The following TMEM232 variants were observed in gnomAD, a reference collection of about 807,000 sequenced individuals.
The protein encoded by TMEM232 is transmembrane protein 232.
TMEM232 carries 80 observed loss-of-function variants against 78.8 expected under a neutral mutation model. That is an observed-to-expected ratio of 1.01 (90% CI 0.85 to 1.22). The LOEUF (loss-of-function observed/expected upper bound fraction) is 1.22. Ranked by LOEUF, TMEM232 falls within the 50% of genes most tolerant of loss-of-function variation. TMEM232 has a pLI of 0.00. For missense variants in TMEM232, 881 were observed against 742.2 expected (o/e 1.19, Z -2.17); for synonymous variants, 297 against 254.3 (o/e 1.17, Z -1.60).
At chr5:110,583,723 T>C (rs1368218445) in intron 10 of TMEM232, among the ~76,000 whole-genome samples, 3 of 151,746 alleles carry the variant, frequency 2.0e-5, no homozygotes. Flanking sequence ...GGGATTATAT[T>C]TGCAGACATC....
chr5:110,395,738 C>G (rs889372046), intron 3 of TMEM232, among the ~76,000 whole-genome samples: 2 of 152,110 alleles, frequency 1.3e-5, no homozygotes, highest in African/African-American at 4.8e-5. Context: ...AAGTTGAAAT[C>G]AAGAATCCAT....
At chr5:110,451,526 A>G (rs902909054) in intron 12 of TMEM232, among the ~76,000 whole-genome samples, 1 of 152,130 alleles carries the variant, frequency 6.6e-6, no homozygotes, top group Non-Finnish European at 1.5e-5. Flanking sequence ...TTTACATTTA[A>G]TGCCTTAATC....
downstream of TMEM232, chr5:110,417,638 T>TA (rs1561465536): frequency 8.4e-6 from 1 of 118,548 alleles, no homozygotes; most frequent in Admixed American, 8.5e-5. Context: ...TTTTTTTTTT[T>TA]GTCCGGGGTA....
intron 12 of TMEM232, among the ~76,000 whole-genome samples, chr5:110,448,010 T>C (rs1331252641): frequency 6.6e-6 from 1 of 151,932 alleles, no homozygotes; most frequent in East Asian, 1.9e-4. Flanking sequence ...AGCTGAAAAA[T>C]GACTTGAATA....
chr5:110,552,502 A>G (rs1037474408), intron 11 of TMEM232, among the ~76,000 whole-genome samples: 1 of 152,160 alleles, frequency 6.6e-6, no homozygotes, highest in African/African-American at 2.4e-5. Flanking sequence ...CATACCTTAT[A>G]TAAAGACACA....
chr5:110,648,381 A>C (rs1787813879), intron 2 of TMEM232, among the ~76,000 whole-genome samples: 1 of 152,064 alleles, frequency 6.6e-6, no homozygotes, highest in Non-Finnish European at 1.5e-5. Flanking sequence ...ATACACACTG[A>C]CTTAGCAATA....
chr5:110,622,502 C>G (rs10037281), intron 7 of TMEM232, among the ~76,000 whole-genome samples: 4,435 of 152,158 alleles, frequency 0.029, 222 homozygotes, highest in African/African-American at 0.1. Flanking sequence ...TCATCCATGT[C>G]CCTACAAAGG....
chr5:110,732,285 C>A (rs533008442), intron 2 of TMEM232, among the ~76,000 whole-genome samples: 1 of 152,318 alleles, frequency 6.6e-6, no homozygotes, highest in South Asian at 2.1e-4. Context: ...GCCCTCCAAA[C>A]TATTCCAACT....
In TMEM232 at chr5:110,420,628, A is replaced by G. The variant is rs1756530411; in HGVS notation, c.1926T>C (p.His642=). The part of the protein sequence containing the change: ...EVMKKREEKL[H]KQTKPYELPY... ...GAAGTTCATAGGGCTTGGTTTGCTT[A>G]TGTAGTTTCTCTTCTCTTTTCTTCA... The change falls in exon 14 of 14, where the codon CAT becomes CAC. Residue 642 remains histidine (H), a synonymous_variant. Coordinates refer to ENST00000455884, the MANE Select transcript of TMEM232 (RefSeq NM_001039763.4). 2.6e-6 allele frequency: 4 copies of G among 1,518,722 alleles called. No individual in the cohort carries two copies. The East Asian group carries it at 1.0e-4, about 38-fold the overall frequency. The allele number at this position is 1,518,722 out of a possible 1,614,324, so 94.1% of individuals were successfully genotyped here.
chr5:110,606,244 T>C lies in TMEM232; in HGVS notation c.946A>G (p.Lys316Glu), dbSNP rs1465098258. 1.3e-6 allele frequency: 2 copies of C among 1,543,706 alleles called. No homozygotes were observed. Among genetic ancestry groups the C allele is most frequent in the Non-Finnish European group, 8.8e-7 (1 of 1,141,410 alleles). Residue 316 changes from lysine (K) to glutamate (E), a missense_variant, in exon 9 of 14, where the codon AAA (lysine) becomes GAA (glutamate). Physicochemically the swap from Lys to Glu is moderately conservative, Grantham distance 56 (BLOSUM62 1). Transcript: ENST00000455884. ...LALLVLGEAA[K>E]LNMACLKALM... Reference sequence around the variant, plus strand: ...GCTTTCAAGCAGGCCATGTTTAATTTGGCAGCCTCCCCAAGGACCAGTAAA... The same window carrying C: ...GCTTTCAAGCAGGCCATGTTTAATTCGGCAGCCTCCCCAAGGACCAGTAAA...
chr5:110,720,973 C>A (rs1009913396), intron 1 of TMEM232: 1 of 152,044 alleles, frequency 6.6e-6, no homozygotes, highest in African/African-American at 2.4e-5. Context: ...GATGAACATA[C>A]AAAATCTATG....
rs73218950 is a variant in TMEM232, at chr5:110,424,076, A to C, written c.1797+747T>G. On this transcript the variant is annotated intron_variant, in intron 13 of 13. Coordinates refer to ENST00000455884, the MANE Select transcript of TMEM232 (RefSeq NM_001039763.4). ...CTGTTGCTAGAGTGGCTTAATTACT[A>C]GAGATGTGGTGAAAACTATTTAATG... Among the ~76,000 whole-genome samples, 297 of 152,236 alleles carry C rather than the reference A, an allele frequency of 2.0e-3. 1 individual carries two copies. Among genetic ancestry groups the C allele is most frequent in the African/African-American group, 6.6e-3 (274 of 41,572 alleles).
intron 1 of TMEM232, among the ~76,000 whole-genome samples, chr5:110,726,272 T>C (rs1359373370): frequency 6.6e-6 from 1 of 152,190 alleles, no homozygotes; most frequent in African/African-American, 2.4e-5. Flanking sequence ...GTCTTCTGAA[T>C]TCAAGGTTGC....
At chr5:110,721,473 C>T (rs571821410) in intron 1 of TMEM232, among the ~76,000 whole-genome samples, 16 of 151,150 alleles carry the variant, frequency 1.1e-4, no homozygotes, top group African/African-American at 3.9e-4. Flanking sequence ...TCCAGGGTTG[C>T]TAAATATATT....
chr5:110,647,379 A>G (rs1462353318), intron 2 of TMEM232, among the ~76,000 whole-genome samples: 3 of 151,926 alleles, frequency 2.0e-5, no homozygotes, highest in Admixed American at 1.3e-4. Flanking sequence ...ATGCACTTAC[A>G]CATTTCCTTT....
chr5:110,521,482 T>G (rs1230279174), intron 12 of TMEM232, among the ~76,000 whole-genome samples: 1 of 152,222 alleles, frequency 6.6e-6, no homozygotes, highest in Non-Finnish European at 1.5e-5. Context: ...AGTCTAATTG[T>G]TTTTGTCACC....
chr5:110,548,492 C>T (rs190080098), intron 11 of TMEM232, among the ~76,000 whole-genome samples: 181 of 150,222 alleles, frequency 1.2e-3, no homozygotes, highest in African/African-American at 4.3e-3. Context: ...TCAGAGGTAA[C>T]CAGTAACAGT....
chr5:110,556,907 A>C lies in TMEM232; in HGVS notation c.1455+11540T>G, dbSNP rs1357861684. On this transcript the variant is annotated intron_variant, in intron 11 of 13. Coordinates refer to ENST00000455884, the MANE Select transcript of TMEM232 (RefSeq NM_001039763.4). ...ATCTCACATAGTTGCTCTGAATTTG[A>C]ATATCATCCTCTCCAGTGAGGTTAA... Among the ~76,000 whole-genome samples, 6 of 152,130 alleles carry C rather than the reference A, an allele frequency of 3.9e-5. No individual in the cohort carries two copies. In the East Asian group the frequency reaches 1.2e-3, roughly 29 times the overall value.
At chr5:110,620,276 T>C (rs774100326) in intron 7 of TMEM232, among the ~76,000 whole-genome samples, 2 of 152,180 alleles carry the variant, frequency 1.3e-5, no homozygotes, top group African/African-American at 4.8e-5. Flanking sequence ...TGATCTCCTA[T>C]TGGACATAAA....
Sources: gnomAD v4.1 joint callset for allele counts (sites outside exome capture counted in the v4.1 genomes callset) on GRCh38, gnomAD v4.1.1 for gene constraint, MANE v1.5 for transcripts, NCBI Gene and HGNC (gene_info 2026-07-23, HGNC 2026-07-21) for gene names.